Variants in NDC1 observed in about 807,000 individuals in gnomAD.
The protein encoded by NDC1 is NDC1 transmembrane nucleoporin.
NDC1 carries 24 observed loss-of-function variants against 89.8 expected under a neutral mutation model. The observed-to-expected ratio is 0.27, with a 90% CI of 0.19 to 0.38. NDC1 has a LOEUF of 0.38. Among genes scored for constraint, NDC1 ranks in the 10% least tolerant of loss-of-function variants. The probability of loss-of-function intolerance (pLI) is 1.00; values close to 1 mark genes in which losing one functional copy is unlikely to be tolerated. For missense variants in NDC1, 728 were observed against 797.6 expected (o/e 0.91, Z 1.05); for synonymous variants, 296 against 284.8 (o/e 1.04, Z -0.39).
intron 17 of NDC1, among the ~76,000 whole-genome samples, chr1:53,771,338 G>A (rs895870190): frequency 3.9e-5 from 6 of 152,184 alleles, no homozygotes; most frequent in African/African-American, 9.6e-5. Flanking sequence ...TGTTTAATAC[G>A]CACTAGATTG....
At chr1:53,814,357 A>T (rs1409609133) in intron 6 of NDC1, among the ~76,000 whole-genome samples, 6 of 151,826 alleles carry the variant, frequency 4.0e-5, no homozygotes, top group South Asian at 2.1e-4. Context: ...TCCGTCTCAA[A>T]AAATAAATAA....
rs541905445 is a variant in NDC1 at position 53,838,169 on chromosome 1, C to G, written c.57+36G>C. On this transcript the variant is annotated intron_variant, in intron 1 of 17. Coordinates refer to ENST00000371429, the MANE Select transcript of NDC1 (RefSeq NM_018087.5). ...TCAGAGCTTGCCCGCCCGGCCCGAC[C>G]CTGGCAGTGCGTGCCACAGTGCACG... 6.0e-5 allele frequency: 92 copies of G among 1,527,186 alleles called. No individual in the cohort carries two copies. In the African/African-American group the frequency reaches 1.0e-3, roughly 17 times the overall value. 94.6% of individuals were successfully genotyped at this position (1,527,186 alleles called of 1,614,324 possible).
chr1:53,781,596 T>G (rs1647207627), intron 16 of NDC1, among the ~76,000 whole-genome samples: 1 of 152,194 alleles, frequency 6.6e-6, no homozygotes, highest in Non-Finnish European at 1.5e-5. Flanking sequence ...GCTGATGTTA[T>G]TCATACTGAA....
chr1:53,807,078 C>T (rs1648132759), intron 8 of NDC1, among the ~76,000 whole-genome samples: 1 of 151,614 alleles, frequency 6.6e-6, no homozygotes, highest in Non-Finnish European at 1.5e-5. Context: ...AACCCTGTCT[C>T]TACTAAAATT....
chr1:53,812,944 C>A (rs1288496155), intron 6 of NDC1, among the ~76,000 whole-genome samples: 2 of 152,180 alleles, frequency 1.3e-5, no homozygotes, highest in Non-Finnish European at 2.9e-5. Context: ...GGGATTGGGG[C>A]TCTATCTTCA....
chr1:53,769,905 T>C (rs983293835), intron 17 of NDC1, among the ~76,000 whole-genome samples: 4 of 152,194 alleles, frequency 2.6e-5, no homozygotes, highest in African/African-American at 9.7e-5. Context: ...TTAGAAAGAT[T>C]TGCATCTGAA....
At chr1:53,829,100 A>G (rs1648969402) in intron 3 of NDC1, among the ~76,000 whole-genome samples, 1 of 152,182 alleles carries the variant, frequency 6.6e-6, no homozygotes, top group African/African-American at 2.4e-5. Flanking sequence ...GGAGGCAACT[A>G]TGGGTAGGAC....
intron 15 of NDC1, among the ~76,000 whole-genome samples, chr1:53,787,850 A>G (rs921941679): frequency 3.8e-5 from 5 of 130,060 alleles, no homozygotes; most frequent in African/African-American, 6.1e-5. Context: ...TTGCGTAATA[A>G]TATGTGCCAG....
chr1:53,817,068 T>C (rs1174796861), intron 6 of NDC1, among the ~76,000 whole-genome samples: 5 of 152,188 alleles, frequency 3.3e-5, no homozygotes, highest in South Asian at 4.1e-4. Context: ...ACAGCCACTA[T>C]GGAAAAGTGT....
intron 16 of NDC1, among the ~76,000 whole-genome samples, 192 bp from the exon 17 acceptor site, chr1:53,772,681 CAT>C (rs1647126154): frequency 6.6e-6 from 1 of 150,420 alleles, no homozygotes. Context: ...CATAACATAA[CAT>C]AACATAACAT....
Position 53,800,215 on chromosome 1 carries a change from A to G in NDC1, c.1222+478T>C, listed in dbSNP as rs141885053. On this transcript the variant is annotated intron_variant, in intron 11 of 17. Transcript: ENST00000371429. Reference sequence around the variant, plus strand: ...GTTTTGGGCTTAATTTTTTCAATCTACAATGATACCCACGTCATTTTCTTG... The same window carrying G: ...GTTTTGGGCTTAATTTTTTCAATCTGCAATGATACCCACGTCATTTTCTTG... Among the ~76,000 whole-genome samples, 46 of 152,164 alleles carry G rather than the reference A, an allele frequency of 3.0e-4. 1 individual carries two copies. The highest frequency in any genetic ancestry group is 1.1e-3 in the African/African-American group (44 of 41,520).
At chr1:53,828,842 C>T (rs999160008) in intron 3 of NDC1, among the ~76,000 whole-genome samples, 1 of 151,862 alleles carries the variant, frequency 6.6e-6, no homozygotes, top group Non-Finnish European at 1.5e-5. Flanking sequence ...AAACTCCTGA[C>T]CTCAGGTGAT....
Position 53,772,390 on chromosome 1 carries a change from A to G in NDC1, c.1900T>C (p.Phe634Leu). ...DTSYKTLRFAFRASLKTAIYR... is the reference protein window; with the variant it reads ...DTSYKTLRFALRASLKTAIYR... The stretch of plus-strand genomic sequence containing the variant: ...ATGGCAGTTTTCAGTGATGCTCTGA[A>G]TGCAAATCTTAATGTTTTATATGAA... The change falls in exon 17 of 18, where the codon TTC (phenylalanine) becomes CTC (leucine). Residue 634 changes from phenylalanine to leucine, a missense_variant. Transcript: ENST00000371429. The G allele has an allele frequency of 6.2e-7, 1 of 1,614,022 alleles. No homozygotes were observed. The highest frequency in any genetic ancestry group is 8.5e-7 in the Non-Finnish European group (1 of 1,179,904).
At chr1:53,837,037 C>A (rs1026388256) in intron 1 of NDC1, among the ~76,000 whole-genome samples, 1 of 152,168 alleles carries the variant, frequency 6.6e-6, no homozygotes, top group Non-Finnish European at 1.5e-5. Flanking sequence ...AAGGTGGCAA[C>A]AACCCAAATA....
chr1:53,787,723 G>C (rs1051196195), intron 15 of NDC1, among the ~76,000 whole-genome samples: 1 of 149,050 alleles, frequency 6.7e-6, no homozygotes, highest in African/African-American at 2.5e-5. Context: ...ATAGAAAAAC[G>C]GGCAAAAAAA....
In NDC1 at chr1:53,794,900, T is replaced by C. The variant is rs142358457; in HGVS notation, c.1585-1621A>G. Reference sequence around the variant, plus strand: ...ATCTCAAAATTTTTAAAAAAGTTCCTTGACCCCTCAATTCCTCCCAGCTAT... The same window carrying C: ...ATCTCAAAATTTTTAAAAAAGTTCCCTGACCCCTCAATTCCTCCCAGCTAT... On this transcript the variant is annotated intron_variant, in intron 13 of 17. Coordinates refer to ENST00000371429, the MANE Select transcript of NDC1 (RefSeq NM_018087.5). Among the ~76,000 whole-genome samples the C allele has an allele frequency of 3.4e-3, 510 of 152,176 alleles. 3 individuals carry two copies. The highest frequency in any genetic ancestry group is 0.012 in the African/African-American group (489 of 41,520).
Position 53,825,872 on chromosome 1 carries a change from C to T in NDC1, c.520G>A (p.Ala174Thr), listed in dbSNP as rs151303092. The T allele has an allele frequency of 6.2e-7, 1 of 1,611,452 alleles. No individual in the cohort carries two copies. The highest frequency in any genetic ancestry group is 1.1e-5 in the South Asian group (1 of 90,116). ...AGGCTATAGCTATAGCCCATAAATGCTCCAGTCAGTAGGAAAAAAAGATGA... is the reference window on the plus strand; with the variant it reads ...AGGCTATAGCTATAGCCCATAAATGTTCCAGTCAGTAGGAAAAAAAGATGA... ...EYHLFFLLTG[A>T]FMGYSYSLLY... Residue 174 changes from alanine to threonine, a missense_variant, in exon 5 of 18, where the codon GCA becomes ACA. Coordinates refer to ENST00000371429, the MANE Select transcript of NDC1 (RefSeq NM_018087.5).
chr1:53,814,180 C>T (rs189878171), intron 6 of NDC1, among the ~76,000 whole-genome samples: 1 of 152,078 alleles, frequency 6.6e-6, no homozygotes, highest in East Asian at 1.9e-4. Context: ...TGTGAAACCC[C>T]GTCTCTACTA....
At chr1:53,835,667 T>C (rs771530341) in intron 1 of NDC1, 47 bp from the exon 2 acceptor site, 5 of 1,551,286 alleles carry the variant, frequency 3.2e-6, no homozygotes, top group Non-Finnish European at 4.4e-6. Flanking sequence ...AGTTAAATTA[T>C]TTCAGTTATG....
Sources: gnomAD v4.1 joint callset for allele counts (sites outside exome capture counted in the v4.1 genomes callset) on GRCh38, gnomAD v4.1.1 for gene constraint, MANE v1.5 for transcripts, NCBI Gene and HGNC (gene_info 2026-07-23, HGNC 2026-07-21) for gene names.